WWTR1: variants seen among roughly 807,000 people sequenced by gnomAD.
WWTR1 encodes the protein WW domain-containing transcription regulator protein 1.
Under a neutral mutation model 40.1 loss-of-function variants are expected in WWTR1, and 13 were observed. The ratio of observed to expected loss-of-function variants is 0.32; its 90% CI spans 0.21 to 0.52. The LOEUF (loss-of-function observed/expected upper bound fraction) is 0.52, where lower values mean the gene tolerates loss of function less well. Ranked by LOEUF, WWTR1 falls within the 20% of genes least tolerant of loss-of-function variation. The pLI is 0.97. For missense variants in WWTR1, 436 were observed against 523.1 expected (o/e 0.83, Z 1.63); for synonymous variants, 230 against 210.1 (o/e 1.09, Z -0.82).
At chr3:149,638,840 G>A (rs1041005216) in intron 2 of WWTR1, among the ~76,000 whole-genome samples, 5 of 152,102 alleles carry the variant, frequency 3.3e-5, no homozygotes, top group Non-Finnish European at 5.9e-5. Context: ...AGGCTCAGCC[G>A]GCCGATGGGG....
chr3:149,542,884 T>TTGTG (rs3217417), intron 3 of WWTR1, among the ~76,000 whole-genome samples: 17 of 150,236 alleles, frequency 1.1e-4, no homozygotes, highest in South Asian at 4.2e-4. Flanking sequence ...ACCAGATCAT[T>TTGTG]TGTGTGTGTG....
chr3:149,704,703 T>G (rs1436211374), upstream of WWTR1, among the ~76,000 whole-genome samples: 2 of 152,086 alleles, frequency 1.3e-5, no homozygotes, highest in Admixed American at 1.3e-4. Flanking sequence ...TGGCCCAGAC[T>G]GATCATTCTA....
chr3:149,677,772 A>G (rs6794307), intron 1 of WWTR1, among the ~76,000 whole-genome samples: 6,543 of 151,890 alleles, frequency 0.043, 291 homozygotes, highest in East Asian at 0.13. Context: ...TCTGGGAAGC[A>G]GAGGTTGCAG....
intron 3 of WWTR1, among the ~76,000 whole-genome samples, chr3:149,544,654 C>T (rs1042950018): frequency 6.6e-6 from 1 of 152,146 alleles, no homozygotes. Flanking sequence ...AATCGAGATC[C>T]TCTTGTACCC....
chr3:149,698,571 G>A (rs888753291), intron 1 of WWTR1, among the ~76,000 whole-genome samples: 35 of 152,330 alleles, frequency 2.3e-4, no homozygotes, highest in African/African-American at 8.4e-4. Flanking sequence ...ACACTGTGGT[G>A]GGGACTGGAA....
intron 4 of WWTR1, among the ~76,000 whole-genome samples, chr3:149,723,187 T>TTC (rs1328311850): frequency 8.3e-6 from 1 of 120,788 alleles, no homozygotes. Flanking sequence ...TTTCTTTTCT[T>TTC]TTTTTTTTTT....
At chr3:149,721,708 C>T in intron 4 of WWTR1, among the ~76,000 whole-genome samples, 1 of 152,098 alleles carries the variant, frequency 6.6e-6, no homozygotes, top group East Asian at 1.9e-4. Context: ...GTATAATTCA[C>T]TGGTAAAACC....
chr3:149,602,757 C>G (rs897351338), intron 2 of WWTR1, among the ~76,000 whole-genome samples: 1 of 152,118 alleles, frequency 6.6e-6, no homozygotes, highest in Admixed American at 6.6e-5. Context: ...CTCTGCTGTC[C>G]AGTTTCAAGA....
At chr3:149,644,869 T>C (rs751294465) in intron 2 of WWTR1, among the ~76,000 whole-genome samples, 16 of 152,108 alleles carry the variant, frequency 1.1e-4, no homozygotes, top group Non-Finnish European at 1.6e-4. Flanking sequence ...ACTTATTTTT[T>C]TGAGACAGAG....
rs1170737087 is a variant in WWTR1, at chr3:149,663,257, A to T, written c.-3-5948T>A. Among the ~76,000 whole-genome samples, 4 of 151,390 alleles carry T rather than the reference A, an allele frequency of 2.6e-5. No individual in the cohort carries two copies. The East Asian group carries it at 8.0e-4, about 30-fold the overall frequency. On this transcript the variant is annotated intron_variant, in intron 2 of 7. Coordinates refer to the WWTR1 transcript ENST00000465804. ...ATGTTGGCCAGGCTGATCTCAGGTGATCCACCCACCTCAGCCTCCCAAAGT... is the reference window on the plus strand; with the variant it reads ...ATGTTGGCCAGGCTGATCTCAGGTGTTCCACCCACCTCAGCCTCCCAAAGT...
intron 2 of WWTR1, among the ~76,000 whole-genome samples, chr3:149,603,799 T>C (rs1436494997): frequency 9.3e-6 from 1 of 107,664 alleles, no homozygotes; most frequent in Non-Finnish European, 1.9e-5. Context: ...GAGGGGAATA[T>C]AAGATAATGT....
chr3:149,667,920 A>C (rs1187427102), intron 2 of WWTR1, among the ~76,000 whole-genome samples: 2 of 152,244 alleles, frequency 1.3e-5, no homozygotes. Flanking sequence ...TTGATAAGAT[A>C]CCAAAGAAAA....
chr3:149,640,010 A>AAAG (rs1311464193), intron 2 of WWTR1, among the ~76,000 whole-genome samples: 73 of 140,382 alleles, frequency 5.2e-4, no homozygotes, highest in African/African-American at 2.1e-3. Flanking sequence ...AAAAAAAAAA[A>AAAG]AAAGAAAGAA....
chr3:149,543,598 A>AAAAGG (rs1418516125), intron 3 of WWTR1, among the ~76,000 whole-genome samples: 8 of 140,572 alleles, frequency 5.7e-5, no homozygotes, highest in Admixed American at 4.2e-4. Context: ...AAAAAAAAAA[A>AAAAGG]AAAAAGAACT....
intron 3 of WWTR1, among the ~76,000 whole-genome samples, chr3:149,548,817 T>C (rs929644083): frequency 1.3e-5 from 2 of 152,126 alleles, no homozygotes; most frequent in South Asian, 2.1e-4. Flanking sequence ...TCTTGGCACT[T>C]TGAGGTGAAT....
At chr3:149,541,559 G>C (rs1424852731) in intron 4 of WWTR1, among the ~76,000 whole-genome samples, 1 of 151,170 alleles carries the variant, frequency 6.6e-6, no homozygotes, top group Non-Finnish European at 1.5e-5. Context: ...AAGATCCTTT[G>C]TCATTTCTTC....
chr3:149,671,684 A>G (rs1303473199), intron 1 of WWTR1, among the ~76,000 whole-genome samples: 19 of 152,180 alleles, frequency 1.2e-4, no homozygotes, highest in African/African-American at 2.4e-5. Flanking sequence ...ATCCATTTTA[A>G]AAGTCTACAA....
chr3:149,584,249 C>G (rs1362236265), intron 2 of WWTR1, among the ~76,000 whole-genome samples: 5 of 152,250 alleles, frequency 3.3e-5, no homozygotes, highest in African/African-American at 1.2e-4. Flanking sequence ...TCACTCATCC[C>G]AAAAAAGAAG....
chr3:149,540,589 T>C (rs1284746228), intron 4 of WWTR1, among the ~76,000 whole-genome samples: 2 of 152,068 alleles, frequency 1.3e-5, no homozygotes, highest in Non-Finnish European at 2.9e-5. Context: ...AACAGAAAAA[T>C]TATTCCAAAT....
Sources: allele counts gnomAD v4.1 joint callset (sites outside exome capture counted in the v4.1 genomes callset), GRCh38; gene constraint gnomAD v4.1.1; transcripts MANE v1.5; gene names NCBI Gene and HGNC (gene_info 2026-07-23, HGNC 2026-07-21).